The following PTH variants were observed in gnomAD, a reference collection of about 807,000 sequenced individuals.
PTH encodes parathyroid hormone.
PTH carries 7 observed loss-of-function variants against 7.4 expected under a neutral mutation model. That is an observed-to-expected ratio of 0.94 (90% CI 0.53 to 1.77). PTH has a LOEUF of 1.77. PTH is among the 40% of genes most tolerant of loss of function. The probability of loss-of-function intolerance (pLI) is 0.00; values close to 1 mark genes in which losing one functional copy is unlikely to be tolerated. For missense variants in PTH, 128 were observed against 137.1 expected (o/e 0.93, Z 0.33); for synonymous variants, 51 against 46.6 (o/e 1.09, Z -0.39).
At chr11:13,492,912 A>T in intron 1 of PTH, 52 bp from the exon 2 acceptor site, 14 of 1,471,304 alleles carry the variant, frequency 9.5e-6, no homozygotes, top group Non-Finnish European at 1.3e-5. Context: ...AATATTCCAA[A>T]CTATAGTACA....
At chr11:13,495,574 C>T (rs1051498546) in intron 1 of PTH, among the ~76,000 whole-genome samples, 1 of 152,094 alleles carries the variant, frequency 6.6e-6, no homozygotes, top group Admixed American at 6.5e-5. Context: ...TAAATCAGAA[C>T]TATTCATTCA....
chr11:13,494,563 G>A (rs1342471241), intron 1 of PTH, among the ~76,000 whole-genome samples: 7 of 152,042 alleles, frequency 4.6e-5, no homozygotes, highest in African/African-American at 1.7e-4. Context: ...CTGCAAAAAG[G>A]GTCTCTAGCT....
intron 1 of PTH, 138 bp from the exon 2 acceptor site, chr11:13,492,998 A>G (rs1374063668): frequency 1.9e-5 from 14 of 748,184 alleles, no homozygotes; most frequent in Non-Finnish European, 2.8e-5. Flanking sequence ...TTATGGATAC[A>G]TTAGTATACA....
Position 13,492,851 on chromosome 11 carries a change from A to G in PTH, c.5T>C (p.Ile2Thr). 1.2e-6 allele frequency: 2 copies of G among 1,613,494 alleles called. No individual in the cohort carries two copies. The highest frequency in any genetic ancestry group is 1.7e-6 in the Non-Finnish European group (2 of 1,179,636). MIPAKDMAKVMI... is the reference protein window; with the variant it reads MTPAKDMAKVMI... ...AACTTTAGCCATGTCTTTTGCAGGTATCATCTTCACTAAAAGGACAAGCAA... is the reference window on the plus strand; with the variant it reads ...AACTTTAGCCATGTCTTTTGCAGGTGTCATCTTCACTAAAAGGACAAGCAA... The change falls in exon 2 of 3, where the codon ATA becomes ACA. Residue 2 changes from isoleucine to threonine, a missense_variant. Ile to Thr is a moderately conservative substitution (Grantham distance 89). Transcript: ENST00000282091.
In PTH at chr11:13,492,230, TG is replaced by T. The variant is rs1230374002; in HGVS notation, c.*174del. On this transcript the variant is annotated 3_prime_UTR_variant, in exon 3 of 3. Coordinates refer to ENST00000282091, the MANE Select transcript of PTH (RefSeq NM_000315.4). Reference sequence around the variant, plus strand: ...TTAAAATAACTCAAATGAATAAAAGTGGAATCAGAATAATCAATTAAAATTG... The same window carrying T: ...TTAAAATAACTCAAATGAATAAAAGTGAATCAGAATAATCAATTAAAATTG... 1 of 650,116 alleles carries T rather than the reference TG, an allele frequency of 1.5e-6. No individual in the cohort carries two copies. The highest frequency in any genetic ancestry group is 2.8e-5 in the East Asian group (1 of 35,424). The allele number at this position is 650,116 out of a possible 1,614,324, so 40.3% of individuals were successfully genotyped here. A position where few individuals can be genotyped will look rare whatever the true frequency, so the allele number is the denominator to read the frequency against.
At position 13,492,363 on chromosome 11, in the gene PTH, A is replaced by G. The variant is rs754308544; in HGVS notation, c.*42T>C. The G allele has an allele frequency of 1.2e-6, 2 of 1,603,250 alleles. No homozygotes were observed. The highest frequency in any genetic ancestry group is 1.7e-5 in the Admixed American group (1 of 59,946). On this transcript the variant is annotated 3_prime_UTR_variant, in exon 3 of 3. Transcript: ENST00000282091. The stretch of plus-strand genomic sequence containing the variant: ...AATTAGCAGCATGTATTGTTGCCCT[A>G]CACTGTCTAGAGCAGAACTCTGACA...
At position 13,492,278 on chromosome 11, in the gene PTH, G is replaced by A; in HGVS notation, c.*127C>T. 8.8e-7 allele frequency: 1 copy of A among 1,139,748 alleles called. No homozygotes were observed. Among genetic ancestry groups the A allele is most frequent in the Non-Finnish European group, 1.3e-6 (1 of 792,114 alleles). 70.6% of individuals were successfully genotyped at this position (1,139,748 alleles called of 1,614,324 possible). ...ATTGCAGTTATCATGGCTAGTGATG[G>A]ATTACATGTAGTTTGTTATATCAGA... is the stretch of plus-strand genomic sequence containing the variant. On this transcript the variant is annotated 3_prime_UTR_variant, in exon 3 of 3. Transcript: ENST00000282091.
chr11:13,494,147 A>C (rs1172150516), intron 1 of PTH, among the ~76,000 whole-genome samples: 2 of 151,998 alleles, frequency 1.3e-5, no homozygotes, highest in Non-Finnish European at 2.9e-5. Flanking sequence ...AAAGACTTGG[A>C]GAACAGACCA....
chr11:13,493,995 T>G lies in PTH; in HGVS notation c.-5-1135A>C, dbSNP rs199653402. ...TCAATTGTCACTGACCTTTTTTATG[T>G]AATTATTTCCTCATTCACTCATCTA... On this transcript the variant is annotated intron_variant, in intron 1 of 2. Coordinates refer to ENST00000282091, the MANE Select transcript of PTH (RefSeq NM_000315.4). Among the ~76,000 whole-genome samples, 22 of 152,344 alleles carry G rather than the reference T, an allele frequency of 1.4e-4. No homozygotes were observed. In the East Asian group the frequency reaches 4.0e-3, roughly 28 times the overall value.
Position 13,492,108 on chromosome 11 carries a change from C to T in PTH, c.*297G>A. 1 of 322,436 alleles carries T rather than the reference C, an allele frequency of 3.1e-6. No homozygotes were observed. The highest frequency in any genetic ancestry group is 5.8e-6 in the Non-Finnish European group (1 of 173,844). 20.0% of individuals were successfully genotyped at this position (322,436 alleles called of 1,614,324 possible). ...TTATGATCATTACATTTTTGTTTTACATTTTAAGGTAGAAGAGAGGTTTAA... is the reference window on the plus strand; with the variant it reads ...TTATGATCATTACATTTTTGTTTTATATTTTAAGGTAGAAGAGAGGTTTAA... On this transcript the variant is annotated 3_prime_UTR_variant, in exon 3 of 3. Coordinates refer to ENST00000282091, the MANE Select transcript of PTH (RefSeq NM_000315.4).
intron 1 of PTH, among the ~76,000 whole-genome samples, chr11:13,493,127 A>C (rs1847498082): frequency 6.6e-6 from 1 of 150,838 alleles, no homozygotes; most frequent in South Asian, 2.1e-4. Flanking sequence ...ATTTTTTTAG[A>C]ATGCAATTTT....
chr11:13,493,909 C>G (rs149088215), intron 1 of PTH, among the ~76,000 whole-genome samples: 326 of 152,284 alleles, frequency 2.1e-3, no homozygotes, highest in Middle Eastern at 0.014. Context: ...TAGATAAAGT[C>G]TATCCTAGTA....
At chr11:13,495,178 A>G (rs890088557) in intron 1 of PTH, among the ~76,000 whole-genome samples, 6 of 152,184 alleles carry the variant, frequency 3.9e-5, no homozygotes, top group African/African-American at 1.4e-4. Flanking sequence ...TTATCTTTTA[A>G]TATAACTTTT....
rs1847495434 is a variant in PTH at position 13,492,988 on chromosome 11, T to A, written c.-5-128A>T. ...AGCTTTTGGAATCAACCTCTTTATT[T>A]TATGGATACATTAGTATACATTATA... On this transcript the variant is annotated intron_variant, in intron 1 of 2. Coordinates refer to ENST00000282091, the MANE Select transcript of PTH (RefSeq NM_000315.4). 19 of 832,110 alleles carry A rather than the reference T, an allele frequency of 2.3e-5. No homozygotes were observed. In the South Asian group the frequency reaches 2.4e-4, roughly 10 times the overall value. 51.5% of individuals were successfully genotyped at this position (832,110 alleles called of 1,614,324 possible). A position where few individuals can be genotyped will look rare whatever the true frequency, so the allele number is the denominator to read the frequency against.
chr11:13,492,123 G>C lies in PTH; in HGVS notation c.*282C>G. On this transcript the variant is annotated 3_prime_UTR_variant, in exon 3 of 3. Coordinates refer to ENST00000282091, the MANE Select transcript of PTH (RefSeq NM_000315.4). ...TTTTGTTTTACATTTTAAGGTAGAAGAGAGGTTTAAAAGTGCAATTTTATT... is the reference window on the plus strand; with the variant it reads ...TTTTGTTTTACATTTTAAGGTAGAACAGAGGTTTAAAAGTGCAATTTTATT... The C allele has an allele frequency of 2.7e-6, 1 of 367,264 alleles. No homozygotes were observed. The highest frequency in any genetic ancestry group is 5.0e-6 in the Non-Finnish European group (1 of 201,436). 22.8% of individuals were successfully genotyped at this position (367,264 alleles called of 1,614,324 possible).
At chr11:13,494,747 C>CA (rs1847519445) in intron 1 of PTH, among the ~76,000 whole-genome samples, 1 of 152,108 alleles carries the variant, frequency 6.6e-6, no homozygotes, top group Non-Finnish European at 1.5e-5. Context: ...GCTGGTGAGC[C>CA]ATGCTTCTCA....
Position 13,492,802 on chromosome 11 carries a change from A to G in PTH, c.54T>C (p.Cys18=). The G allele has an allele frequency of 1.2e-6, 2 of 1,614,034 alleles. No homozygotes were observed. The highest frequency in any genetic ancestry group is 1.7e-6 in the Non-Finnish European group (2 of 1,179,970). Reference sequence around the variant, plus strand: ...ATTTCCCATCCGATTTTGTAAGAAAACAAATTGCCAACATGACAATCATAA... The same window carrying G: ...ATTTCCCATCCGATTTTGTAAGAAAGCAAATTGCCAACATGACAATCATAA... The part of the protein sequence containing the change: ...AKVMIVMLAI[C]FLTKSDGKSV... The change falls in exon 2 of 3, where the codon TGT becomes TGC. Residue 18 remains cysteine (C), a synonymous_variant. Coordinates refer to ENST00000282091, the MANE Select transcript of PTH (RefSeq NM_000315.4).
chr11:13,495,458 A>G (rs942283377), intron 1 of PTH, among the ~76,000 whole-genome samples: 1 of 152,210 alleles, frequency 6.6e-6, no homozygotes, highest in Non-Finnish European at 1.5e-5. Context: ...CAACTTTAGT[A>G]TACAGATTGG....
Position 13,492,774 on chromosome 11 carries a change from C to G in PTH, c.82G>C (p.Val28Leu). 2 of 1,613,986 alleles carry G rather than the reference C, an allele frequency of 1.2e-6. No homozygotes were observed. Among genetic ancestry groups the G allele is most frequent in the South Asian group, 2.2e-5 (2 of 91,074 alleles). The change falls in exon 2 of 3, where the codon GTT becomes CTT. Residue 28 changes from valine to leucine, a missense_variant. Transcript: ENST00000282091. ...CCAAGGCAAAACAGTACTTACTTAA[C>G]AGATTTCCCATCCGATTTTGTAAGA... ...CFLTKSDGKS[V>L]KKRSVSEIQL...
Sources: allele counts gnomAD v4.1 joint callset (sites outside exome capture counted in the v4.1 genomes callset), GRCh38; gene constraint gnomAD v4.1.1; transcripts MANE v1.5; gene names NCBI Gene and HGNC (gene_info 2026-07-23, HGNC 2026-07-21).